The following ELAPOR2 variants were observed in gnomAD, a reference collection of about 807,000 sequenced individuals.
ELAPOR2 encodes the protein endosome/lysosome-associated apoptosis and autophagy regulator family member 2.
ELAPOR2 carries 89 observed loss-of-function variants against 120.7 expected under a neutral mutation model. The observed-to-expected ratio is 0.74, with a 90% CI of 0.62 to 0.88. ELAPOR2 has a LOEUF of 0.88. Among genes scored for constraint, ELAPOR2 ranks in the 40% least tolerant of loss-of-function variants. ELAPOR2 has a pLI of 0.00. For synonymous variants in ELAPOR2, 444 were observed against 444.9 expected (o/e 1.00, Z 0.03); for missense variants, 1,134 against 1,251.6 (o/e 0.91, Z 1.42).
At chr7:87,050,368 T>C (rs1393754213) in intron 1 of ELAPOR2, among the ~76,000 whole-genome samples, 3 of 152,100 alleles carry the variant, frequency 2.0e-5, no homozygotes, top group Admixed American at 2.0e-4. Flanking sequence ...TAGTGAGTTC[T>C]CAGGAGATCG....
At chr7:86,984,715 T>A (rs1299706930) in intron 1 of ELAPOR2, among the ~76,000 whole-genome samples, 2 of 152,150 alleles carry the variant, frequency 1.3e-5, no homozygotes, top group African/African-American at 4.8e-5. Context: ...TAGCACTAAA[T>A]GCCCATAAGA....
In ELAPOR2 at chr7:86,980,155, T is replaced by C. The variant is rs79571038; in HGVS notation, c.190-15131A>G. Reference sequence around the variant, plus strand: ...TATTGTACATTTAACAGAGTGGCAATTTCTCTCACTTACCAAAAAAGGTAA... The same window carrying C: ...TATTGTACATTTAACAGAGTGGCAACTTCTCTCACTTACCAAAAAAGGTAA... On this transcript the variant is annotated intron_variant, in intron 1 of 21. Transcript: ENST00000450689. Among the ~76,000 whole-genome samples the C allele has an allele frequency of 2.9e-3, 447 of 152,350 alleles. 1 individual carries two copies. The highest frequency in any genetic ancestry group is 0.01 in the African/African-American group (432 of 41,584).
At chr7:86,912,764 G>T (rs1354213069) in intron 14 of ELAPOR2, among the ~76,000 whole-genome samples, 177 bp downstream of exon 14, 1 of 152,270 alleles carries the variant, frequency 6.6e-6, no homozygotes, top group South Asian at 2.1e-4. Flanking sequence ...TACTTTCATA[G>T]CATACAGTAA....
At chr7:87,020,737 T>C (rs1346676688) in intron 1 of ELAPOR2, among the ~76,000 whole-genome samples, 1 of 152,118 alleles carries the variant, frequency 6.6e-6, no homozygotes, top group African/African-American at 2.4e-5. Context: ...TTTTAAATGA[T>C]TAATTTTATG....
intron 1 of ELAPOR2, among the ~76,000 whole-genome samples, chr7:87,019,598 G>C (rs1233407781): frequency 1.3e-5 from 2 of 152,112 alleles, no homozygotes; most frequent in African/African-American, 4.8e-5. Context: ...TTTAAAATAT[G>C]AACTGGACAC....
chr7:87,046,100 A>C (rs888666854), intron 1 of ELAPOR2, among the ~76,000 whole-genome samples: 9 of 152,214 alleles, frequency 5.9e-5, no homozygotes, highest in African/African-American at 2.2e-4. Context: ...AAAAAATTCA[A>C]CAAGGTTGCA....
In ELAPOR2 at chr7:86,938,507, A is replaced by G. The variant is rs532060680; in HGVS notation, c.1001-293T>C. On this transcript the variant is annotated intron_variant, in intron 7 of 21. Coordinates refer to ENST00000450689, the MANE Select transcript of ELAPOR2 (RefSeq NM_001142749.3). ...AATTTGGAACAAATTAAAAGTTTCTATATACGTCTCTACACCAACAAATCA... is the reference window on the plus strand; with the variant it reads ...AATTTGGAACAAATTAAAAGTTTCTGTATACGTCTCTACACCAACAAATCA... Among the ~76,000 whole-genome samples the G allele has an allele frequency of 3.9e-5, 6 of 152,198 alleles. No homozygotes were observed. In the East Asian group the frequency reaches 1.2e-3, roughly 29 times the overall value.
intron 1 of ELAPOR2, among the ~76,000 whole-genome samples, chr7:87,022,388 T>A (rs1304528373): frequency 1.3e-5 from 2 of 151,992 alleles, no homozygotes; most frequent in African/African-American, 4.8e-5. Context: ...GCTTCATCCA[T>A]GTCCCTACAA....
At position 86,902,546 on chromosome 7, in the gene ELAPOR2, A is replaced by G. The variant is rs1037235161; in HGVS notation, c.2559-4914T>C. 5.9e-5 allele frequency among the ~76,000 whole-genome samples: 9 copies of G among 152,262 alleles called. No individual in the cohort carries two copies. In the South Asian group the frequency reaches 1.9e-3, roughly 32 times the overall value. On this transcript the variant is annotated intron_variant, in intron 18 of 21. Transcript: ENST00000450689. The stretch of plus-strand genomic sequence containing the variant: ...GCCACCATGAGCTGATAACCTCCCA[A>G]CACACCATCTCTTACTACTATCACT...
intron 1 of ELAPOR2, among the ~76,000 whole-genome samples, chr7:86,997,400 G>A (rs531728277): frequency 1.5e-4 from 23 of 152,136 alleles, no homozygotes; most frequent in Admixed American, 9.8e-4. Context: ...ATCAGCCTCC[G>A]CCTCTGTTCA....
At chr7:86,950,616 C>T (rs908220320) in intron 2 of ELAPOR2, among the ~76,000 whole-genome samples, 3 of 152,216 alleles carry the variant, frequency 2.0e-5, no homozygotes, top group Non-Finnish European at 2.9e-5. Context: ...GTTGCTCCCC[C>T]CACCGCAGCT....
At chr7:86,965,556 C>T (rs1199679641) in intron 1 of ELAPOR2, among the ~76,000 whole-genome samples, 5 of 152,178 alleles carry the variant, frequency 3.3e-5, no homozygotes, top group African/African-American at 1.2e-4. Flanking sequence ...CACACATGTA[C>T]CACAGCAGGC....
chr7:87,039,718 A>T (rs1256266074), intron 1 of ELAPOR2, among the ~76,000 whole-genome samples: 2 of 149,100 alleles, frequency 1.3e-5, no homozygotes, highest in East Asian at 1.9e-4. Context: ...CCTTTATGAT[A>T]AAAAAAAATT....
chr7:86,930,320 C>T (rs1238194420), intron 8 of ELAPOR2, among the ~76,000 whole-genome samples: 1 of 151,834 alleles, frequency 6.6e-6, no homozygotes, highest in Non-Finnish European at 1.5e-5. Context: ...TTATTTTAAA[C>T]AAATTCAGAA....
rs35583728 is a variant in ELAPOR2 at position 87,014,027 on chromosome 7, CT to C, written c.189+45297del. Among the ~76,000 whole-genome samples, 814 of 122,434 alleles carry C rather than the reference CT, an allele frequency of 6.6e-3. 1 individual carries two copies. Among genetic ancestry groups the C allele is most frequent in the Middle Eastern group, 0.025 (6 of 238 alleles). 80.3% of individuals were successfully genotyped at this position (122,434 alleles called of 152,430 possible). ...AGTATATTTCGTGCCATGTTTTTCA[CT>C]TTTTTTTTTTTTTTTTTGCTTTATG... On this transcript the variant is annotated intron_variant, in intron 1 of 21. Transcript: ENST00000450689.
intron 1 of ELAPOR2, among the ~76,000 whole-genome samples, chr7:87,058,361 A>T (rs1795327335): frequency 2.0e-5 from 3 of 152,178 alleles, no homozygotes; most frequent in Admixed American, 2.0e-4. Context: ...GATTCCTAAC[A>T]ATCTTCCTAA....
At chr7:86,883,726 G>A (rs2115742123) in intron 21 of ELAPOR2, among the ~76,000 whole-genome samples, 1 of 152,280 alleles carries the variant, frequency 6.6e-6, no homozygotes, top group African/African-American at 2.4e-5. Context: ...CATTACAGTA[G>A]TTTCCTTTGG....
chr7:86,982,085 G>A (rs971718507), intron 1 of ELAPOR2, among the ~76,000 whole-genome samples: 10 of 152,350 alleles, frequency 6.6e-5, no homozygotes, highest in Admixed American at 3.3e-4. Context: ...ATCAAACTGC[G>A]AGGCGGCAGC....
At chr7:86,954,172 G>A (rs1791380471) in intron 2 of ELAPOR2, among the ~76,000 whole-genome samples, 1 of 152,086 alleles carries the variant, frequency 6.6e-6, no homozygotes, top group South Asian at 2.1e-4. Context: ...ATAATCCAAT[G>A]TGAGACTCTG....
Sources: allele counts gnomAD v4.1 joint callset (sites outside exome capture counted in the v4.1 genomes callset), GRCh38; gene constraint gnomAD v4.1.1; transcripts MANE v1.5; gene names NCBI Gene and HGNC (gene_info 2026-07-23, HGNC 2026-07-21).